Variants in DOK1 observed in about 807,000 individuals in gnomAD.
The protein encoded by DOK1 is Downstream of tyrosine kinase 1.
DOK1 carries 12 observed loss-of-function variants against 24.0 expected under a neutral mutation model. The observed-to-expected ratio is 0.50, with a 90% CI of 0.32 to 0.81. The LOEUF (loss-of-function observed/expected upper bound fraction) is 0.81, where lower values mean the gene tolerates loss of function less well. Among genes scored for constraint, DOK1 ranks in the 30% least tolerant of loss-of-function variants. DOK1 has a pLI of 0.03. For missense variants in DOK1, 591 were observed against 620.7 expected (o/e 0.95, Z 0.51); for synonymous variants, 250 against 260.9 (o/e 0.96, Z 0.40).
Position 74,555,969 on chromosome 2 carries a change from G to C in DOK1, c.530G>C (p.Arg177Thr), listed in dbSNP as rs1446389833. 6.2e-7 allele frequency: 1 copy of C among 1,613,964 alleles called. No homozygotes were observed. ...GGCCTGCATGGCTCCTACGTGCTGA[G>C]GGTGGAGGCTGAAAGGCTGACTCTC... The part of the protein sequence containing the change: ...RCGLHGSYVL[R>T]VEAERLTLLT... The change falls in exon 4 of 5, where the codon AGG becomes ACG. Residue 177 changes from arginine to threonine, a missense_variant. By Grantham distance (71) the Arg-to-Thr change is moderately conservative. Coordinates refer to ENST00000233668, the MANE Select transcript of DOK1 (RefSeq NM_001381.5). This position sits in a 1 kb window ranked among gnomAD's most constrained non-coding sequence, Gnocchi z 6.1.
In DOK1 at chr2:74,554,937, C is replaced by A; in HGVS notation, c.60+123C>A. 1.3e-6 allele frequency: 2 copies of A among 1,513,660 alleles called. No homozygotes were observed. Among genetic ancestry groups the A allele is most frequent in the South Asian group, 1.2e-5 (1 of 83,990 alleles). 93.8% of individuals were successfully genotyped at this position (1,513,660 alleles called of 1,614,324 possible). On this transcript the variant is annotated intron_variant, in intron 1 of 4. Coordinates refer to ENST00000233668, the MANE Select transcript of DOK1 (RefSeq NM_001381.5). This position sits in a 1 kb window ranked among gnomAD's most constrained non-coding sequence, Gnocchi z 4.9. ...CGGGAGTTGGAGAGCCTGTGACTTTCCCGTGAAGTTGCTTTGCACACTCCC... is the reference window on the plus strand; with the variant it reads ...CGGGAGTTGGAGAGCCTGTGACTTTACCGTGAAGTTGCTTTGCACACTCCC...
In DOK1 at chr2:74,555,124, C is replaced by T; in HGVS notation, c.61-30C>T. 1.9e-6 allele frequency: 3 copies of T among 1,588,296 alleles called. No individual in the cohort carries two copies. In the South Asian group the frequency reaches 3.4e-5, roughly 18 times the overall value. ...ACCCGGGCCGCCTGCGCACGCCACT[C>T]CCTCTCGAGCACTCTCTCTCTCTCC... On this transcript the variant is annotated intron_variant, in intron 1 of 4. Transcript: ENST00000233668. This position sits in a 1 kb window ranked among gnomAD's most constrained non-coding sequence, Gnocchi z 6.1.
upstream of DOK1, chr2:74,550,483 T>G: frequency 1.1e-6 from 1 of 950,184 alleles, no homozygotes; most frequent in South Asian, 1.7e-5. Context: ...TGATAAGGGG[T>G]GGAGACGGGA....
Position 74,555,691 on chromosome 2 carries a change from C to T in DOK1, c.454+23C>T, listed in dbSNP as rs764443707. 6 of 1,613,388 alleles carry T rather than the reference C, an allele frequency of 3.7e-6. No homozygotes were observed. The African/African-American group carries it at 4.0e-5, about 11-fold the overall frequency. The stretch of plus-strand genomic sequence containing the variant: ...AAGGTAGACGCCTCAGAAGCCCGGG[C>T]AGGGATGGAGTGAAGAGGAGGAGGG... On this transcript the variant is annotated intron_variant, in intron 3 of 4. Transcript: ENST00000233668. The surrounding 1 kb of genome is among the most constrained non-coding windows in gnomAD (Gnocchi z 6.1).
At position 74,556,670 on chromosome 2, in the gene DOK1, A is replaced by T. The variant is rs565235832; in HGVS notation, c.1002A>T (p.Lys334Asn). Reference sequence around the variant, plus strand: ...CAGGAGAGGGAGTACAACGGAAGAAACCTCTCTATTGGGACTTGTATGAGC... The same window carrying T: ...CAGGAGAGGGAGTACAACGGAAGAATCCTCTCTATTGGGACTTGTATGAGC... ...AQAGEGVQRK[K>N]PLYWDLYEHA... The change falls in exon 5 of 5, where the codon AAA (lysine) becomes AAT (asparagine). Residue 334 changes from lysine (K) to asparagine (N), a missense_variant. Transcript: ENST00000233668. The surrounding 1 kb of genome is among the most constrained non-coding windows in gnomAD (Gnocchi z 4.1). 1 of 1,614,158 alleles carries T rather than the reference A, an allele frequency of 6.2e-7. No homozygotes were observed. Among genetic ancestry groups the T allele is most frequent in the South Asian group, 1.1e-5 (1 of 91,086 alleles).
At chr2:74,552,677 G>C (rs1274086056), upstream of DOK1, 2 of 1,475,038 alleles carry the variant, frequency 1.4e-6, no homozygotes, top group Non-Finnish European at 1.8e-6. Context: ...GTGTGCGTGA[G>C]AGAAACAGAT....
chr2:74,557,240 C>G lies in DOK1; in HGVS notation c.*126C>G. The G allele has an allele frequency of 1.0e-6, 1 of 969,700 alleles. No homozygotes were observed. Among genetic ancestry groups the G allele is most frequent in the South Asian group, 1.8e-5 (1 of 56,132 alleles). The allele number at this position is 969,700 out of a possible 1,614,324, so 60.1% of individuals were successfully genotyped here. A position where few individuals can be genotyped will look rare whatever the true frequency, so the allele number is the denominator to read the frequency against. On this transcript the variant is annotated 3_prime_UTR_variant, in exon 5 of 5. Coordinates refer to ENST00000233668, the MANE Select transcript of DOK1 (RefSeq NM_001381.5). ...GGCCATGCTGTGTGAGACCAGGGGA[C>G]CAGAGGGATGGGAGAGTCAAGGGAA...
chr2:74,556,372 C>A lies in DOK1; in HGVS notation c.704C>A (p.Thr235Lys), dbSNP rs199545844. ...PSGPGTFTFQ[T>K]AQGNDIFQAV... ...GGCCCTGGAACCTTCACCTTCCAGA[C>A]GGCACAGGGAAATGACATCTTCCAG... The change falls in exon 5 of 5, where the codon ACG (threonine) becomes AAG (lysine). Residue 235 changes from threonine to lysine, a missense_variant. Transcript: ENST00000233668. The surrounding 1 kb of genome is among the most constrained non-coding windows in gnomAD (Gnocchi z 4.1). 10 of 1,613,820 alleles carry A rather than the reference C, an allele frequency of 6.2e-6. No individual in the cohort carries two copies. Among genetic ancestry groups the A allele is most frequent in the African/African-American group, 1.3e-5 (1 of 74,900 alleles).
rs1677555003 is a variant in DOK1, at chr2:74,557,314, GA to G, written c.*201del. 5 of 569,238 alleles carry G rather than the reference GA, an allele frequency of 8.8e-6. No individual in the cohort carries two copies. In the South Asian group the frequency reaches 1.2e-4, roughly 14 times the overall value. 35.3% of individuals were successfully genotyped at this position (569,238 alleles called of 1,614,324 possible). A position where few individuals can be genotyped will look rare whatever the true frequency, so the allele number is the denominator to read the frequency against. ...AAGTGGGGCAGATGGCAGGGCTGAGGATGGGCTCTGCATCCCCCAAAGCCAT... is the reference window on the plus strand; with the variant it reads ...AAGTGGGGCAGATGGCAGGGCTGAGGTGGGCTCTGCATCCCCCAAAGCCAT... On this transcript the variant is annotated 3_prime_UTR_variant, in exon 5 of 5. Transcript: ENST00000233668.
Position 74,556,895 on chromosome 2 carries a change from C to G in DOK1, c.1227C>G (p.Tyr409Ter), listed in dbSNP as rs369515838. The change falls in exon 5 of 5, where the codon TAC (tyrosine) becomes TAG (stop). Residue 409 changes from tyrosine to a stop codon, truncating the protein, a stop_gained. Transcript: ENST00000233668. LOFTEE classifies it low-confidence loss of function (END_TRUNC). The surrounding 1 kb of genome is among the most constrained non-coding windows in gnomAD (Gnocchi z 4.1). ...CCTACAACCCTGCCACTGATGACTACGCTGTGCCACCCCCTCGGAGCACAA... is the reference window on the plus strand; with the variant it reads ...CCTACAACCCTGCCACTGATGACTAGGCTGTGCCACCCCCTCGGAGCACAA... ...ELPYNPATDD[Y>*]AVPPPRSTKP... 7 of 1,614,066 alleles carry G rather than the reference C, an allele frequency of 4.3e-6. No individual in the cohort carries two copies. Among genetic ancestry groups the G allele is most frequent in the Non-Finnish European group, 5.9e-6 (7 of 1,180,040 alleles).
At position 74,555,059 on chromosome 2, in the gene DOK1, T is replaced by C; in HGVS notation, c.61-95T>C. ...CCCAACCCCGTTTGGAAGCCCCAGA[T>C]CCCAAATCGACTTGCGCCGCAACCT... On this transcript the variant is annotated intron_variant, in intron 1 of 4. Transcript: ENST00000233668. The surrounding 1 kb of genome is among the most constrained non-coding windows in gnomAD (Gnocchi z 6.1). 11 of 1,478,478 alleles carry C rather than the reference T, an allele frequency of 7.4e-6. 1 individual carries two copies. The South Asian group carries it at 1.4e-4, about 19-fold the overall frequency. The allele number at this position is 1,478,478 out of a possible 1,614,324, so 91.6% of individuals were successfully genotyped here.
Position 74,557,281 on chromosome 2 carries a change from G to A in DOK1, c.*167G>A. 1.4e-6 allele frequency: 1 copy of A among 690,894 alleles called. No homozygotes were observed. The highest frequency in any genetic ancestry group is 2.2e-5 in the South Asian group (1 of 45,856). The allele number at this position is 690,894 out of a possible 1,614,324, so 42.8% of individuals were successfully genotyped here. A position where few individuals can be genotyped will look rare whatever the true frequency, so the allele number is the denominator to read the frequency against. On this transcript the variant is annotated 3_prime_UTR_variant, in exon 5 of 5. Transcript: ENST00000233668. ...GTCAAGGGAAGGACAATCCCAGGAA[G>A]TCCTAAGAAGTGGGGCAGATGGCAG...
chr2:74,552,251 C>G, upstream of DOK1: 2 of 1,429,952 alleles, frequency 1.4e-6, no homozygotes, highest in Non-Finnish European at 1.9e-6. Flanking sequence ...CTGTGCCATC[C>G]TCGTGTTCCC....
At position 74,555,783 on chromosome 2, in the gene DOK1, T is replaced by G; in HGVS notation, c.455-111T>G. On this transcript the variant is annotated intron_variant, in intron 3 of 4. Transcript: ENST00000233668. The surrounding 1 kb of genome is among the most constrained non-coding windows in gnomAD (Gnocchi z 6.1). ...GGGGAAGTAAGAAGTAGGAAGGCCC[T>G]GAGATCTGGCTTCCGAGTGAGTGCT... 3 of 1,587,740 alleles carry G rather than the reference T, an allele frequency of 1.9e-6. No individual in the cohort carries two copies. The highest frequency in any genetic ancestry group is 1.1e-5 in the South Asian group (1 of 88,548).
At chr2:74,554,564 C>G (rs983747593), upstream of DOK1, 17 of 609,112 alleles carry the variant, frequency 2.8e-5, no homozygotes, top group African/African-American at 2.4e-4. This position sits in a 1 kb window ranked among gnomAD's most constrained non-coding sequence, Gnocchi z 4.9. Context: ...GCCTGGGGTG[C>G]TGCAGCTCCC....
chr2:74,556,051 T>A lies in DOK1; in HGVS notation c.612T>A (p.Thr204=). The change falls in exon 4 of 5, where the codon ACT becomes ACA. Residue 204 remains threonine (T), a synonymous_variant. Coordinates refer to ENST00000233668, the MANE Select transcript of DOK1 (RefSeq NM_001381.5). This position sits in a 1 kb window ranked among gnomAD's most constrained non-coding sequence, Gnocchi z 4.1. ...ILEPLLSWPY[T]LLRRYGRDKV... ...AGCCACTCCTGTCCTGGCCCTACAC[T>A]CTGTTGCGTCGCTATGGCCGGGACA... The A allele has an allele frequency of 6.2e-7, 1 of 1,602,790 alleles. No individual in the cohort carries two copies. Among genetic ancestry groups the A allele is most frequent in the South Asian group, 1.1e-5 (1 of 89,702 alleles).
rs917352507 is a variant in DOK1 at position 74,549,215 on chromosome 2, A to C, written c.-358+43A>C. On this transcript the variant is annotated intron_variant, in intron 1 of 4. Coordinates refer to the DOK1 transcript ENST00000409429. This position sits in a 1 kb window ranked among gnomAD's most constrained non-coding sequence, Gnocchi z 5.3. ...CTTTCGTGGTCCCACAAGATTTCCCAACTCTCCAGCTTTGCAACGGCCTCC... is the reference window on the plus strand; with the variant it reads ...CTTTCGTGGTCCCACAAGATTTCCCCACTCTCCAGCTTTGCAACGGCCTCC... 66 of 822,572 alleles carry C rather than the reference A, an allele frequency of 8.0e-5. No homozygotes were observed. The highest frequency in any genetic ancestry group is 1.3e-4 in the South Asian group (6 of 45,200). 51.0% of individuals were successfully genotyped at this position (822,572 alleles called of 1,614,324 possible). A position where few individuals can be genotyped will look rare whatever the true frequency, so the allele number is the denominator to read the frequency against.
upstream of DOK1, among the ~76,000 whole-genome samples, chr2:74,553,285 C>T (rs539437634): frequency 6.6e-6 from 1 of 152,274 alleles, no homozygotes; most frequent in African/African-American, 2.4e-5. Flanking sequence ...CCTAACCCAG[C>T]AGATTCCCAG....
At position 74,549,304 on chromosome 2, in the gene DOK1, C is replaced by T. The variant is rs1676831723; in HGVS notation, c.-358+132C>T. 6 of 1,487,338 alleles carry T rather than the reference C, an allele frequency of 4.0e-6. No individual in the cohort carries two copies. Among genetic ancestry groups the T allele is most frequent in the Non-Finnish European group, 5.4e-6 (6 of 1,113,846 alleles). The allele number at this position is 1,487,338 out of a possible 1,614,324, so 92.1% of individuals were successfully genotyped here. A position where few individuals can be genotyped will look rare whatever the true frequency, so the allele number is the denominator to read the frequency against. On this transcript the variant is annotated intron_variant, in intron 1 of 4. Transcript: ENST00000409429. This position sits in a 1 kb window ranked among gnomAD's most constrained non-coding sequence, Gnocchi z 5.3. ...GCCCCGGACCTGCTCAGATGTCTCC[C>T]AAGGCTATTCATCAGGGAGCACCCC... is the stretch of plus-strand genomic sequence containing the variant.
Sources: gnomAD v4.1 joint callset for allele counts (sites outside exome capture counted in the v4.1 genomes callset) on GRCh38, gnomAD v4.1.1 for gene constraint, Gnocchi (gnomAD v3.1) non-coding constraint, MANE v1.5 for transcripts, NCBI Gene and HGNC (gene_info 2026-07-23, HGNC 2026-07-21) for gene names.